Variants in KCND2 observed in about 807,000 individuals in gnomAD.
KCND2 encodes potassium voltage-gated channel subfamily D member 2.
A neutral mutation model predicts 54.4 loss-of-function variants in KCND2; 16 were observed. That is an observed-to-expected ratio of 0.29 (90% CI 0.20 to 0.45). KCND2 has a LOEUF of 0.45. Ranked by LOEUF, KCND2 falls within the 20% of genes least tolerant of loss-of-function variation. The pLI is 1.00. For missense variants in KCND2, 486 were observed against 824.2 expected (o/e 0.59, Z 5.02); for synonymous variants, 317 against 310.7 (o/e 1.02, Z -0.21).
At chr7:120,371,753 A>G (rs1359479218) in intron 1 of KCND2, among the ~76,000 whole-genome samples, 1 of 151,934 alleles carries the variant, frequency 6.6e-6, no homozygotes, top group Non-Finnish European at 1.5e-5. Flanking sequence ...CAACTCCTAC[A>G]GTATTCTGTA....
chr7:120,734,482 A>T (rs913232645), intron 2 of KCND2, among the ~76,000 whole-genome samples: 2 of 152,078 alleles, frequency 1.3e-5, no homozygotes, highest in African/African-American at 4.8e-5. Context: ...TAAGTTGGAG[A>T]TCCACCATTC....
intron 1 of KCND2, among the ~76,000 whole-genome samples, chr7:120,437,798 T>G (rs1210738044): frequency 1.3e-5 from 2 of 152,212 alleles, no homozygotes; most frequent in African/African-American, 2.4e-5. Flanking sequence ...ACTGAAAACA[T>G]CAGCATCACA....
chr7:120,586,377 G>A (rs1055429025), intron 1 of KCND2, among the ~76,000 whole-genome samples: 4 of 151,714 alleles, frequency 2.6e-5, no homozygotes, highest in South Asian at 2.1e-4. Context: ...TCTTGTTTTT[G>A]TCAAATGACA....
chr7:120,406,158 A>G (rs1563035814), intron 1 of KCND2, among the ~76,000 whole-genome samples: 1 of 152,028 alleles, frequency 6.6e-6, no homozygotes, highest in African/African-American at 2.4e-5. Flanking sequence ...ACTATGGCCT[A>G]CCAATCGTTA....
At chr7:120,651,486 G>A (rs892470034) in intron 1 of KCND2, among the ~76,000 whole-genome samples, 3 of 152,172 alleles carry the variant, frequency 2.0e-5, no homozygotes, top group African/African-American at 7.2e-5. Context: ...TAGGGTGGGA[G>A]TGACCCTATT....
chr7:120,725,974 G>A (rs1792729049), intron 1 of KCND2, among the ~76,000 whole-genome samples: 1 of 152,134 alleles, frequency 6.6e-6, no homozygotes, highest in South Asian at 2.1e-4. Flanking sequence ...TCTAGCTTCC[G>A]CTTTCATTTA....
chr7:120,347,056 G>A (rs544869017), intron 1 of KCND2, among the ~76,000 whole-genome samples: 13 of 151,046 alleles, frequency 8.6e-5, no homozygotes, highest in African/African-American at 3.2e-4. Flanking sequence ...TTTTTTGTTC[G>A]AAGCTGTAAT....
chr7:120,479,927 A>G (rs1329460130), intron 1 of KCND2, among the ~76,000 whole-genome samples: 1 of 148,378 alleles, frequency 6.7e-6, no homozygotes, highest in Non-Finnish European at 1.5e-5. Context: ...AGATCGCGCC[A>G]CTGCACTCCA....
chr7:120,688,187 G>T (rs191225703), intron 1 of KCND2, among the ~76,000 whole-genome samples: 5 of 152,068 alleles, frequency 3.3e-5, no homozygotes, highest in Admixed American at 1.3e-4. Context: ...TTTAGCAAAG[G>T]GTTATGTAAA....
intron 1 of KCND2, among the ~76,000 whole-genome samples, chr7:120,516,600 A>G (rs1027902346): frequency 4.6e-5 from 7 of 152,092 alleles, no homozygotes; most frequent in African/African-American, 1.7e-4. Context: ...TCCAGAAATG[A>G]CTTACTGGCA....
intron 1 of KCND2, among the ~76,000 whole-genome samples, chr7:120,518,877 A>T (rs954672118): frequency 6.6e-6 from 1 of 152,206 alleles, no homozygotes; most frequent in Non-Finnish European, 1.5e-5. Flanking sequence ...ATCATGATTT[A>T]TACAGGTAGA....
At chr7:120,699,077 G>A (rs995933010) in intron 1 of KCND2, among the ~76,000 whole-genome samples, 2 of 152,086 alleles carry the variant, frequency 1.3e-5, no homozygotes, top group East Asian at 1.9e-4. Context: ...TCAGGAGATC[G>A]AGACCAACCT....
At chr7:120,351,498 A>G (rs1482920109) in intron 1 of KCND2, among the ~76,000 whole-genome samples, 1 of 151,668 alleles carries the variant, frequency 6.6e-6, no homozygotes, top group African/African-American at 2.4e-5. Flanking sequence ...GACAACAAAC[A>G]CAATGTGCAC....
intron 1 of KCND2, among the ~76,000 whole-genome samples, chr7:120,361,301 G>A (rs1374132692): frequency 6.6e-6 from 1 of 151,676 alleles, no homozygotes; most frequent in Non-Finnish European, 1.5e-5. Flanking sequence ...AAAAAGATCT[G>A]TTTCCCACTC....
At chr7:120,417,114 T>C (rs775109704) in intron 1 of KCND2, among the ~76,000 whole-genome samples, 1 of 152,226 alleles carries the variant, frequency 6.6e-6, no homozygotes, top group Non-Finnish European at 1.5e-5. Flanking sequence ...CCCAAAGTGC[T>C]GGGATTACAG....
chr7:120,583,912 T>G (rs1792553952), intron 1 of KCND2, among the ~76,000 whole-genome samples: 1 of 152,064 alleles, frequency 6.6e-6, no homozygotes, highest in Non-Finnish European at 1.5e-5. Flanking sequence ...AAAAATGTAA[T>G]CAGTCATCCA....
intron 1 of KCND2, among the ~76,000 whole-genome samples, chr7:120,417,561 A>T (rs1801542157): frequency 1.3e-5 from 2 of 152,212 alleles, no homozygotes; most frequent in Non-Finnish European, 2.9e-5. Flanking sequence ...GGCTGTAAAA[A>T]ATCTGTTGAG....
chr7:120,332,628 T>C (rs1413072687), intron 1 of KCND2, among the ~76,000 whole-genome samples: 1 of 152,102 alleles, frequency 6.6e-6, no homozygotes, highest in East Asian at 1.9e-4. Flanking sequence ...GCATTCCAAT[T>C]TGGAGCTTCT....
chr7:120,618,145 C>T (rs1163421719), intron 1 of KCND2, among the ~76,000 whole-genome samples: 2 of 152,110 alleles, frequency 1.3e-5, no homozygotes, highest in Non-Finnish European at 2.9e-5. Context: ...TGCGCATGTA[C>T]CCCCTGAACC....
Sources: allele counts gnomAD v4.1 joint callset (sites outside exome capture counted in the v4.1 genomes callset), GRCh38; gene constraint gnomAD v4.1.1; transcripts MANE v1.5; gene names NCBI Gene and HGNC (gene_info 2026-07-23, HGNC 2026-07-21).